Variants in PHACTR2 observed in about 807,000 individuals in gnomAD.
PHACTR2 encodes phosphatase and actin regulator 2.
A neutral mutation model predicts 76.0 loss-of-function variants in PHACTR2; 30 were observed. The ratio of observed to expected loss-of-function variants is 0.39; its 90% CI spans 0.30 to 0.54. The LOEUF is 0.54. Ranked by LOEUF, PHACTR2 falls within the 20% of genes least tolerant of loss-of-function variation. PHACTR2 has a pLI of 0.61. For synonymous variants in PHACTR2, 292 were observed against 292.5 expected (o/e 1.00, Z 0.02); for missense variants, 696 against 781.1 (o/e 0.89, Z 1.30).
At position 143,807,478 on chromosome 6, in the gene PHACTR2, C is replaced by A. The variant is rs1054705397; in HGVS notation, c.1922+345C>A. Among the ~76,000 whole-genome samples, 3 of 152,180 alleles carry A rather than the reference C, an allele frequency of 2.0e-5. No individual in the cohort carries two copies. The highest frequency in any genetic ancestry group is 6.5e-5 in the Admixed American group (1 of 15,282). ...TGAATAAGAATTTCTAAAATTAAAT[C>A]TTTTCTTTCAAGGAAGTCTGAATCA... On this transcript the variant is annotated intron_variant, in intron 12 of 12. Transcript: ENST00000440869. The surrounding 1 kb of genome is among the most constrained non-coding windows in gnomAD (Gnocchi z 5.5).
Position 143,601,972 on chromosome 6 carries a change from A to G in PHACTR2, c.217+64765A>G, listed in dbSNP as rs75106713. On this transcript the variant is annotated intron_variant, in intron 1 of 11. Transcript: ENST00000367584. ...TTTTGATGCAATCATACAACTTGTA[A>G]TGACCAAATCAAGGTAATGGAGATA... Among the ~76,000 whole-genome samples, 158 of 152,322 alleles carry G rather than the reference A, an allele frequency of 1.0e-3. No individual in the cohort carries two copies. The East Asian group carries it at 0.027, about 26-fold the overall frequency.
intron 1 of PHACTR2, among the ~76,000 whole-genome samples, chr6:143,706,291 A>T (rs1377146855): frequency 6.6e-6 from 1 of 152,210 alleles, no homozygotes; most frequent in Non-Finnish European, 1.5e-5. Flanking sequence ...AGAAACCAAG[A>T]TCTGTGCGTT....
chr6:143,588,703 C>T (rs1048355646), intron 1 of PHACTR2, among the ~76,000 whole-genome samples: 9 of 152,022 alleles, frequency 5.9e-5, no homozygotes, highest in Non-Finnish European at 1.2e-4. Flanking sequence ...AAATGACACA[C>T]CTGGGAATAT....
chr6:143,662,193 T>C lies in PHACTR2; in HGVS notation c.14-49823T>C, dbSNP rs1776958521. The stretch of plus-strand genomic sequence containing the variant: ...AATTTGCAGTTACTGAAATCCATTT[T>C]ATATTAAAAAGCCTCTTCAATATGC... On this transcript the variant is annotated intron_variant, in intron 1 of 11. Transcript: ENST00000305766. This position sits in a 1 kb window ranked among gnomAD's most constrained non-coding sequence, Gnocchi z 4.7. 6.6e-6 allele frequency among the ~76,000 whole-genome samples: 1 copy of C among 152,198 alleles called. No individual in the cohort carries two copies. Among genetic ancestry groups the C allele is most frequent in the Admixed American group, 6.5e-5 (1 of 15,276 alleles).
In PHACTR2 at chr6:143,777,166, C is replaced by A. The variant is rs1183758623; in HGVS notation, c.1590-162C>A. Among the ~76,000 whole-genome samples the A allele has an allele frequency of 6.6e-6, 1 of 152,152 alleles. No homozygotes were observed. The highest frequency in any genetic ancestry group is 1.5e-5 in the Non-Finnish European group (1 of 68,030). On this transcript the variant is annotated intron_variant, in intron 8 of 12. Coordinates refer to ENST00000440869, the MANE Select transcript of PHACTR2 (RefSeq NM_001100164.2). The surrounding 1 kb of genome is among the most constrained non-coding windows in gnomAD (Gnocchi z 4.6). The stretch of plus-strand genomic sequence containing the variant: ...GTCGGTGAGCAGCCTCAGCCATGAT[C>A]TGTAGTCTCCAAACTAATGGGAAGG...
At chr6:143,769,484 T>G (rs1161815028) in intron 6 of PHACTR2, among the ~76,000 whole-genome samples, 2 of 152,140 alleles carry the variant, frequency 1.3e-5, no homozygotes, top group African/African-American at 4.8e-5. Context: ...ATGTAAAATT[T>G]AATAGGTAGA....
In PHACTR2 at chr6:143,733,407, G is replaced by A. The variant is rs1778749462; in HGVS notation, c.215-15578G>A. ...GGCTTATGTTAAACATTCAGTAAATGTATATTGAATGAACGAATGAATGAA... is the reference window on the plus strand; with the variant it reads ...GGCTTATGTTAAACATTCAGTAAATATATATTGAATGAACGAATGAATGAA... On this transcript the variant is annotated intron_variant, in intron 2 of 12. Transcript: ENST00000440869. The surrounding 1 kb of genome is among the most constrained non-coding windows in gnomAD (Gnocchi z 4.0). Among the ~76,000 whole-genome samples the A allele has an allele frequency of 6.6e-6, 1 of 152,200 alleles. No individual in the cohort carries two copies. The highest frequency in any genetic ancestry group is 6.5e-5 in the Admixed American group (1 of 15,272).
chr6:143,805,494 A>C (rs1171586621), intron 11 of PHACTR2, among the ~76,000 whole-genome samples: 1 of 149,488 alleles, frequency 6.7e-6, no homozygotes, highest in African/African-American at 2.6e-5. Context: ...AAAAAAAAAA[A>C]AAAAAACCTC....
chr6:143,574,215 G>C (rs549696002), intron 1 of PHACTR2, among the ~76,000 whole-genome samples: 3 of 152,238 alleles, frequency 2.0e-5, no homozygotes, highest in South Asian at 4.1e-4. Context: ...CTTCCTCAGC[G>C]TGGCTGCTCA....
chr6:143,690,985 T>A (rs1777631583), intron 1 of PHACTR2, among the ~76,000 whole-genome samples: 1 of 152,238 alleles, frequency 6.6e-6, no homozygotes, highest in African/African-American at 2.4e-5. Flanking sequence ...ACCATTGATA[T>A]TTCACAAAAG....
upstream of PHACTR2, among the ~76,000 whole-genome samples, chr6:143,606,974 C>G (rs1370216004): frequency 6.6e-6 from 1 of 152,052 alleles, no homozygotes; most frequent in Non-Finnish European, 1.5e-5. Context: ...AATAAAAGAA[C>G]CTCATATCTA....
intron 2 of PHACTR2, among the ~76,000 whole-genome samples, chr6:143,720,985 T>C (rs6570578): frequency 0.62 from 93,703 of 152,106 alleles, 30,415 homozygotes; most frequent in African/African-American, 0.84. Context: ...CTATACAATT[T>C]TACCAGAAGA....
At chr6:143,714,192 T>A (rs1299752466) in intron 2 of PHACTR2, among the ~76,000 whole-genome samples, 1 of 152,190 alleles carries the variant, frequency 6.6e-6, no homozygotes, top group Admixed American at 6.5e-5. Context: ...TGATAATCAA[T>A]GAAGTACACC....
intron 4 of PHACTR2, among the ~76,000 whole-genome samples, chr6:143,758,629 A>T (rs1700152988): frequency 6.6e-6 from 1 of 152,216 alleles, no homozygotes; most frequent in Non-Finnish European, 1.5e-5. Flanking sequence ...AGGAGACAAG[A>T]TATATAAACA....
chr6:143,557,011 C>T lies in PHACTR2; in HGVS notation c.217+19804C>T, dbSNP rs1775184835. 6.6e-6 allele frequency among the ~76,000 whole-genome samples: 1 copy of T among 152,206 alleles called. No homozygotes were observed. The highest frequency in any genetic ancestry group is 1.5e-5 in the Non-Finnish European group (1 of 68,032). ...AAAGGGCCTCCCTCCCTAACCCCAG[C>T]CTCAGTTAGAGAGGGCCACAGGAGC... On this transcript the variant is annotated intron_variant, in intron 1 of 11. Transcript: ENST00000367584. The surrounding 1 kb of genome is among the most constrained non-coding windows in gnomAD (Gnocchi z 5.5).
At chr6:143,634,714 T>C (rs1422261365) in intron 1 of PHACTR2, among the ~76,000 whole-genome samples, 1 of 152,220 alleles carries the variant, frequency 6.6e-6, no homozygotes, top group African/African-American at 2.4e-5. Context: ...CTGATGACTT[T>C]GTAGTTGGGC....
chr6:143,800,138 C>G lies in PHACTR2; in HGVS notation c.1846-6919C>G, dbSNP rs1452221774. On this transcript the variant is annotated intron_variant, in intron 11 of 12. Transcript: ENST00000440869. The surrounding 1 kb of genome is among the most constrained non-coding windows in gnomAD (Gnocchi z 4.8). ...TGATCCCTTCACCATTACGTAATGGCCTTCTTTGTCTCTTTTGATCTTTGT... is the reference window on the plus strand; with the variant it reads ...TGATCCCTTCACCATTACGTAATGGGCTTCTTTGTCTCTTTTGATCTTTGT... Among the ~76,000 whole-genome samples the G allele has an allele frequency of 6.6e-6, 1 of 152,132 alleles. No homozygotes were observed. The highest frequency in any genetic ancestry group is 1.5e-5 in the Non-Finnish European group (1 of 68,024).
chr6:143,630,695 G>T (rs1048018164), intron 1 of PHACTR2, among the ~76,000 whole-genome samples: 1 of 152,184 alleles, frequency 6.6e-6, no homozygotes, highest in Admixed American at 6.5e-5. Flanking sequence ...GAACAGAGCA[G>T]GTCTACATCA....
rs757260056 is a variant in PHACTR2, at chr6:143,787,942, A to G, written c.1708-831A>G. ...CCCAACTAAGAAAGACCAAAATGGG[A>G]GTGAACCTCCGTAGCAGAGAGTAGA... On this transcript the variant is annotated intron_variant, in intron 10 of 12. Transcript: ENST00000440869. The surrounding 1 kb of genome is among the most constrained non-coding windows in gnomAD (Gnocchi z 4.6). Among the ~76,000 whole-genome samples the G allele has an allele frequency of 1.3e-5, 2 of 152,226 alleles. No individual in the cohort carries two copies. The highest frequency in any genetic ancestry group is 2.9e-5 in the Non-Finnish European group (2 of 68,038).
Sources: gnomAD v4.1 joint callset for allele counts (sites outside exome capture counted in the v4.1 genomes callset) on GRCh38, gnomAD v4.1.1 for gene constraint, Gnocchi (gnomAD v3.1) non-coding constraint, MANE v1.5 for transcripts, NCBI Gene and HGNC (gene_info 2026-07-23, HGNC 2026-07-21) for gene names.